The following MYO5B variants were observed in gnomAD, a reference collection of about 807,000 sequenced individuals.
MYO5B encodes myosin VB.
MYO5B carries 143 observed loss-of-function variants against 229.3 expected under a neutral mutation model. The observed-to-expected ratio is 0.62, with a 90% CI of 0.54 to 0.72. MYO5B has a LOEUF of 0.72. Among genes scored for constraint, MYO5B ranks in the 30% least tolerant of loss-of-function variants. The pLI, the probability that MYO5B is intolerant of heterozygous loss-of-function variation, is 0.00. For missense variants in MYO5B, 2,321 were observed against 2,331.0 expected, an observed-to-expected ratio of 1.00 and a Z score of 0.09; for synonymous variants, 918 against 885.2, an observed-to-expected ratio of 1.04 and a Z score of -0.66.
At chr18:49,832,573 G>C (rs774164397) in intron 39 of MYO5B, among the ~76,000 whole-genome samples, 1 of 152,202 alleles carries the variant, frequency 6.6e-6, no homozygotes, top group Non-Finnish European at 1.5e-5. Context: ...CTGGGAAATA[G>C]GTTTACAGAA....
intron 12 of MYO5B, among the ~76,000 whole-genome samples, chr18:49,958,761 G>C (rs1356042118): frequency 6.6e-6 from 1 of 152,136 alleles, no homozygotes; most frequent in African/African-American, 2.4e-5. Context: ...TCCCTTGGAA[G>C]GAAGTCCTCC....
intron 5 of MYO5B, among the ~76,000 whole-genome samples, chr18:49,996,079 C>CT (rs1189338438): frequency 6.6e-6 from 1 of 152,206 alleles, no homozygotes; most frequent in Non-Finnish European, 1.5e-5. Context: ...CAATTTCTTA[C>CT]TTTCTAAGAT....
chr18:49,954,951 A>T (rs1490358162), intron 12 of MYO5B, among the ~76,000 whole-genome samples: 1 of 151,928 alleles, frequency 6.6e-6, no homozygotes, highest in Non-Finnish European at 1.5e-5. Flanking sequence ...TGTTGATCTC[A>T]CTTCCCTCTT....
At chr18:49,851,187 G>A (rs1162062370) in intron 31 of MYO5B, 1 of 152,120 alleles carries the variant, frequency 6.6e-6, no homozygotes, top group Non-Finnish European at 1.5e-5. Flanking sequence ...TTTGACGCCT[G>A]TCTTTGAGAG....
intron 12 of MYO5B, among the ~76,000 whole-genome samples, chr18:49,960,150 G>A (rs1488206296): frequency 3.3e-5 from 5 of 152,094 alleles, no homozygotes; most frequent in Non-Finnish European, 5.9e-5. Flanking sequence ...TACCCTGCCT[G>A]CCACTGCACA....
chr18:50,168,607 A>T (rs1424735275), intron 1 of MYO5B, among the ~76,000 whole-genome samples: 2 of 62,514 alleles, frequency 3.2e-5, no homozygotes, highest in Admixed American at 1.8e-4. Flanking sequence ...GAGGGTCTCC[A>T]GGACCCTCCC....
chr18:49,968,347 A>C (rs764671481), intron 10 of MYO5B, among the ~76,000 whole-genome samples: 1 of 152,188 alleles, frequency 6.6e-6, no homozygotes, highest in Non-Finnish European at 1.5e-5. Flanking sequence ...CGCCAGCCCA[A>C]CTCAAAATTA....
At chr18:49,962,072 G>C (rs568435541) in intron 12 of MYO5B, among the ~76,000 whole-genome samples, 194 bp downstream of exon 12, 121 of 152,240 alleles carry the variant, frequency 7.9e-4, no homozygotes, top group South Asian at 3.3e-3. Flanking sequence ...AGCAACACCT[G>C]CCAGTCACTT....
chr18:49,874,237 A>G (rs1347815917), intron 26 of MYO5B, among the ~76,000 whole-genome samples: 4 of 152,242 alleles, frequency 2.6e-5, no homozygotes, highest in Non-Finnish European at 5.9e-5. Context: ...GAGGAAAAAG[A>G]TACCCTTTTT....
chr18:50,145,497 C>CAAAAAAA lies in MYO5B; in HGVS notation c.27+49263_27+49269dup, dbSNP rs369507800. Among the ~76,000 whole-genome samples the CAAAAAAA allele has an allele frequency of 2.1e-4, 15 of 70,008 alleles. 2 individuals carry two copies. The highest frequency in any genetic ancestry group is 8.7e-4 in the African/African-American group (15 of 17,262). 45.9% of individuals were successfully genotyped at this position (70,008 alleles called of 152,430 possible). On this transcript the variant is annotated intron_variant, in intron 1 of 39. Coordinates refer to ENST00000285039, the MANE Select transcript of MYO5B (RefSeq NM_001080467.3). ...TGGGCAACAGAGCAAGACTCCATCT[C>CAAAAAAA]AAAAAAAAAAAAAAAAAAAAAAAAA...
At position 49,888,987 on chromosome 18, in the gene MYO5B, G is replaced by A. The variant is rs935907491; in HGVS notation, c.3045+5954C>T. Among the ~76,000 whole-genome samples, 7 of 152,274 alleles carry A rather than the reference G, an allele frequency of 4.6e-5. No homozygotes were observed. The South Asian group carries it at 1.0e-3, about 23-fold the overall frequency. ...CAGCCTGGACCAGAGTCCTCAACGT[G>A]GACCTAGGGATTATATCGCCAGACT... is the stretch of plus-strand genomic sequence containing the variant. On this transcript the variant is annotated intron_variant, in intron 22 of 39. Transcript: ENST00000285039.
intron 14 of MYO5B, among the ~76,000 whole-genome samples, chr18:49,945,095 C>T (rs1598902058): frequency 6.6e-6 from 1 of 152,308 alleles, no homozygotes; most frequent in South Asian, 2.1e-4. Flanking sequence ...GCCCGGCGCC[C>T]TTCCCAGAAC....
At chr18:49,857,038 C>T (rs2024271437) in intron 29 of MYO5B, 148 bp from the exon 30 acceptor site, 1 of 708,236 alleles carries the variant, frequency 1.4e-6, no homozygotes, top group Admixed American at 2.0e-5. Flanking sequence ...CCTTCCTCCT[C>T]TCCTGTCACC....
At chr18:49,965,990 T>C (rs2025620851) in intron 10 of MYO5B, among the ~76,000 whole-genome samples, 1 of 152,170 alleles carries the variant, frequency 6.6e-6, no homozygotes, top group Non-Finnish European at 1.5e-5. Flanking sequence ...ATACAAAGTG[T>C]CATGCAAGCC....
chr18:50,004,375 T>C (rs1260161509), intron 4 of MYO5B, among the ~76,000 whole-genome samples: 4 of 152,212 alleles, frequency 2.6e-5, no homozygotes, highest in Admixed American at 2.6e-4. Flanking sequence ...AAAAAATCTT[T>C]ACACTTGAGG....
chr18:49,915,480 G>C (rs2025003569), intron 17 of MYO5B, among the ~76,000 whole-genome samples: 1 of 152,220 alleles, frequency 6.6e-6, no homozygotes, highest in Non-Finnish European at 1.5e-5. Flanking sequence ...CAGAAGGAAG[G>C]GCGCAGGGCG....
chr18:49,927,659 C>T (rs879531429), intron 17 of MYO5B, among the ~76,000 whole-genome samples: 36 of 152,086 alleles, frequency 2.4e-4, no homozygotes, highest in Admixed American at 1.2e-3. Flanking sequence ...ACACTCTATT[C>T]GATAAATGGG....
At chr18:49,980,101 T>C (rs2144292752) in intron 9 of MYO5B, among the ~76,000 whole-genome samples, 1 of 152,314 alleles carries the variant, frequency 6.6e-6, no homozygotes, top group Non-Finnish European at 1.5e-5. Context: ...CTGTGCCCTT[T>C]CATCTCCTTG....
intron 28 of MYO5B, among the ~76,000 whole-genome samples, chr18:49,863,641 A>G (rs904204083): frequency 6.6e-6 from 1 of 152,154 alleles, no homozygotes; most frequent in Non-Finnish European, 1.5e-5. Flanking sequence ...GGAATCCTCC[A>G]CACTCCTCAG....
Sources: allele counts gnomAD v4.1 joint callset (sites outside exome capture counted in the v4.1 genomes callset), GRCh38; gene constraint gnomAD v4.1.1; transcripts MANE v1.5; gene names NCBI Gene and HGNC (gene_info 2026-07-23, HGNC 2026-07-21).